Variants in CDK14 observed in about 807,000 individuals in gnomAD.
CDK14 encodes cyclin-dependent kinase 14.
In CDK14, 34 loss-of-function variants were observed where a neutral mutation model predicts 60.7. That is an observed-to-expected ratio of 0.56 (90% confidence interval 0.43 to 0.75). CDK14 has a LOEUF of 0.75. CDK14 is among the 30% of genes least tolerant of loss of function. The pLI, the probability that CDK14 is intolerant of heterozygous loss-of-function variation, is 0.00. For synonymous variants in CDK14, 197 were observed against 203.7 expected (o/e 0.97, Z 0.28); for missense variants, 482 against 564.1 (o/e 0.85, Z 1.47).
chr7:91,087,991 A>G (rs1355442369), intron 12 of CDK14, among the ~76,000 whole-genome samples: 3 of 152,240 alleles, frequency 2.0e-5, no homozygotes, highest in Non-Finnish European at 2.9e-5. Flanking sequence ...AAAGAAACCC[A>G]TAGACAGGTC....
intron 5 of CDK14, among the ~76,000 whole-genome samples, chr7:90,853,533 C>A (rs1037096365): frequency 1.3e-5 from 2 of 152,116 alleles, no homozygotes; most frequent in African/African-American, 4.8e-5. Flanking sequence ...CAAACACACA[C>A]ACACACTCAC....
chr7:91,091,496 A>G lies in CDK14; in HGVS notation c.1154+12016A>G, dbSNP rs1455360029. 3.6e-4 allele frequency among the ~76,000 whole-genome samples: 18 copies of G among 49,526 alleles called. No individual in the cohort carries two copies. The East Asian group carries it at 0.016, about 44-fold the overall frequency. 32.5% of individuals were successfully genotyped at this position (49,526 alleles called of 152,430 possible). On this transcript the variant is annotated intron_variant, in intron 12 of 14. Coordinates refer to ENST00000380050, the MANE Select transcript of CDK14 (RefSeq NM_001287135.2). ...ATACATATATGTATATGTAGTTTAT[A>G]TATTTTATATATATATATATAAATT... is the stretch of plus-strand genomic sequence containing the variant.
intron 2 of CDK14, among the ~76,000 whole-genome samples, chr7:90,625,180 T>TA (rs963141267): frequency 5.0e-4 from 75 of 150,992 alleles, no homozygotes; most frequent in Non-Finnish European, 7.4e-4. Context: ...TTCTAAAAAA[T>TA]AAAAAAAAAC....
intron 5 of CDK14, among the ~76,000 whole-genome samples, chr7:90,844,151 A>G (rs1482081533): frequency 6.6e-6 from 1 of 152,186 alleles, no homozygotes; most frequent in Non-Finnish European, 1.5e-5. Flanking sequence ...AAAATTAGAA[A>G]AGCACTTTAA....
At chr7:91,100,484 C>T (rs1217993191) in intron 12 of CDK14, among the ~76,000 whole-genome samples, 2 of 151,972 alleles carry the variant, frequency 1.3e-5, no homozygotes, top group South Asian at 2.1e-4. Context: ...AACGAGGGCT[C>T]TTGTTGAAAA....
At chr7:91,007,349 A>C (rs572419655) in intron 10 of CDK14, among the ~76,000 whole-genome samples, 15 of 152,334 alleles carry the variant, frequency 9.8e-5, no homozygotes, top group South Asian at 2.1e-4. Flanking sequence ...TATTCCCTGG[A>C]GAACAGTATC....
chr7:91,159,829 T>TTTGAGACA (rs1309290348), intron 14 of CDK14, among the ~76,000 whole-genome samples: 4 of 152,138 alleles, frequency 2.6e-5, no homozygotes, highest in Admixed American at 6.5e-5. Context: ...ATGGCCATGG[T>TTTGAGACA]GGTGTTTATG....
At chr7:90,604,712 A>G (rs1468472780) in intron 2 of CDK14, among the ~76,000 whole-genome samples, 4 of 152,136 alleles carry the variant, frequency 2.6e-5, no homozygotes, top group African/African-American at 7.2e-5. Context: ...TAGTTTTCCT[A>G]TTCTTTGTAT....
rs144259739 is a variant in CDK14, at chr7:91,008,510, C to G, written c.1041+24269C>G. On this transcript the variant is annotated intron_variant, in intron 10 of 14. Coordinates refer to ENST00000380050, the MANE Select transcript of CDK14 (RefSeq NM_001287135.2). Reference sequence around the variant, plus strand: ...TGCTCCTTCCTTCCCTCCCTCCCTTCTTGTATTTGTATTATGTCCCCCAAA... The same window carrying G: ...TGCTCCTTCCTTCCCTCCCTCCCTTGTTGTATTTGTATTATGTCCCCCAAA... Among the ~76,000 whole-genome samples the G allele has an allele frequency of 3.3e-3, 506 of 152,176 alleles. 4 individuals carry two copies. The highest frequency in any genetic ancestry group is 0.011 in the African/African-American group (476 of 41,530).
At chr7:90,881,204 T>A (rs1791740852) in intron 6 of CDK14, among the ~76,000 whole-genome samples, 2 of 152,030 alleles carry the variant, frequency 1.3e-5, no homozygotes, top group South Asian at 4.2e-4. Flanking sequence ...TGATAAAAGG[T>A]TAGAAGAATT....
chr7:91,160,611 A>G (rs1801139833), intron 14 of CDK14, among the ~76,000 whole-genome samples: 1 of 152,184 alleles, frequency 6.6e-6, no homozygotes, highest in Non-Finnish European at 1.5e-5. Context: ...GTAGTTATCT[A>G]TTGATTTTAC....
intron 10 of CDK14, among the ~76,000 whole-genome samples, chr7:91,000,473 CAT>C (rs1202965425): frequency 1.3e-5 from 2 of 152,204 alleles, no homozygotes; most frequent in African/African-American, 4.8e-5. Context: ...CATGCCACAC[CAT>C]ATGTTTATAA....
At chr7:90,823,643 A>G (rs970608628) in intron 5 of CDK14, among the ~76,000 whole-genome samples, 9 of 152,182 alleles carry the variant, frequency 5.9e-5, no homozygotes, top group Non-Finnish European at 8.8e-5. Flanking sequence ...AACCAAACCT[A>G]GTCTTCAGGC....
chr7:91,042,463 G>A (rs1797118142), intron 10 of CDK14, among the ~76,000 whole-genome samples: 1 of 152,142 alleles, frequency 6.6e-6, no homozygotes, highest in Admixed American at 6.5e-5. Flanking sequence ...CTGTTCATCT[G>A]CATCACTAGA....
intron 7 of CDK14, among the ~76,000 whole-genome samples, chr7:90,903,279 A>C (rs1332301218): frequency 6.6e-6 from 1 of 152,190 alleles, no homozygotes; most frequent in Non-Finnish European, 1.5e-5. Flanking sequence ...TCATTGAAGC[A>C]CTATTCACAA....
chr7:90,611,485 T>C (rs933487672), intron 2 of CDK14, among the ~76,000 whole-genome samples: 4 of 152,370 alleles, frequency 2.6e-5, no homozygotes, highest in African/African-American at 4.8e-5. Flanking sequence ...CCACATGATT[T>C]TCCAAGCTAA....
At chr7:91,096,520 T>C (rs760959177) in intron 12 of CDK14, among the ~76,000 whole-genome samples, 17 of 152,160 alleles carry the variant, frequency 1.1e-4, no homozygotes, top group Admixed American at 5.2e-4. Flanking sequence ...TTCTCCCAGA[T>C]TCCTGATCCT....
intron 10 of CDK14, among the ~76,000 whole-genome samples, chr7:91,025,735 A>C (rs1471659223): frequency 6.6e-6 from 1 of 152,212 alleles, no homozygotes; most frequent in African/African-American, 2.4e-5. Flanking sequence ...CTGCCTGTGC[A>C]CTGCCTGTGC....
chr7:90,820,831 G>A (rs895947835), intron 5 of CDK14, among the ~76,000 whole-genome samples: 10 of 152,088 alleles, frequency 6.6e-5, no homozygotes, highest in African/African-American at 2.4e-4. Flanking sequence ...ACATGACCAA[G>A]CTGAACTCTA....
Sources: gnomAD v4.1 joint callset for allele counts (sites outside exome capture counted in the v4.1 genomes callset) on GRCh38, gnomAD v4.1.1 for gene constraint, MANE v1.5 for transcripts, NCBI Gene and HGNC (gene_info 2026-07-23, HGNC 2026-07-21) for gene names.